The following WDR72 variants were observed in gnomAD, a reference collection of about 807,000 sequenced individuals.
WDR72 encodes the protein WD repeat-containing protein 72.
A neutral mutation model predicts 124.2 loss-of-function variants in WDR72; 120 were observed. The ratio of observed to expected loss-of-function variants is 0.97; its 90% CI spans 0.83 to 1.12. The LOEUF (loss-of-function observed/expected upper bound fraction) is 1.12. WDR72 is among the 50% of genes most tolerant of loss of function. The pLI is 0.00. For synonymous variants in WDR72, 452 were observed against 441.7 expected, an observed-to-expected ratio of 1.02 and a Z score of -0.29; for missense variants, 1,387 against 1,278.8, an observed-to-expected ratio of 1.08 and a Z score of -1.29.
chr15:53,521,599 TTGTG>T (rs1162360763), intron 19 of WDR72, among the ~76,000 whole-genome samples: 14 of 152,036 alleles, frequency 9.2e-5, no homozygotes, highest in African/African-American at 2.9e-4. Context: ...ATAAACACGT[TTGTG>T]TGTATCAATC....
intron 14 of WDR72, among the ~76,000 whole-genome samples, chr15:53,661,517 C>T (rs2015608702): frequency 6.6e-6 from 1 of 152,128 alleles, no homozygotes; most frequent in African/African-American, 2.4e-5. Flanking sequence ...GTCCCTTCTT[C>T]AACACTGAGG....
chr15:53,722,063 T>G (rs183702717), intron 3 of WDR72, among the ~76,000 whole-genome samples: 123 of 152,130 alleles, frequency 8.1e-4, no homozygotes, highest in Middle Eastern at 3.4e-3. Context: ...TTATTTATTT[T>G]GAGACTGTCG....
intron 14 of WDR72, among the ~76,000 whole-genome samples, chr15:53,643,398 G>A (rs1049635749): frequency 5.9e-5 from 9 of 152,000 alleles, no homozygotes; most frequent in African/African-American, 9.7e-5. Flanking sequence ...ACACAGACAC[G>A]CTATGAGGAT....
At chr15:53,557,791 C>T (rs1185908683) in intron 18 of WDR72, among the ~76,000 whole-genome samples, 1 of 151,968 alleles carries the variant, frequency 6.6e-6, no homozygotes, top group Non-Finnish European at 1.5e-5. Context: ...AATAATATTA[C>T]AGTTCAAAAA....
intron 13 of WDR72, among the ~76,000 whole-genome samples, chr15:53,678,560 G>C (rs1400647876): frequency 1.3e-5 from 2 of 152,060 alleles, no homozygotes; most frequent in Non-Finnish European, 2.9e-5. Context: ...TAGGTGTTTT[G>C]TATACAGATG....
intron 18 of WDR72, among the ~76,000 whole-genome samples, chr15:53,584,955 T>A (rs1373823919): frequency 6.6e-6 from 1 of 151,972 alleles, no homozygotes; most frequent in African/African-American, 2.4e-5. Context: ...AAGTAACACC[T>A]GTGAAAGAAA....
At chr15:53,700,663 C>T (rs1248968107) in intron 12 of WDR72, among the ~76,000 whole-genome samples, 1 of 152,116 alleles carries the variant, frequency 6.6e-6, no homozygotes, top group African/African-American at 2.4e-5. Context: ...GACCTTGAGA[C>T]ACCCATTACT....
intron 1 of WDR72, among the ~76,000 whole-genome samples, chr15:53,735,035 T>A (rs2018311885): frequency 6.6e-6 from 1 of 152,048 alleles, no homozygotes; most frequent in Non-Finnish European, 1.5e-5. Context: ...GTCTCAGGCC[T>A]GTAATCACAG....
intron 1 of WDR72, among the ~76,000 whole-genome samples, chr15:53,736,303 A>T (rs962377737): frequency 6.6e-6 from 1 of 152,142 alleles, no homozygotes; most frequent in African/African-American, 2.4e-5. Context: ...GTGGAGTCAG[A>T]GGCCAGGGAT....
At chr15:53,705,889 C>A in intron 10 of WDR72, 38 bp downstream of exon 10, 1 of 1,612,772 alleles carries the variant, frequency 6.2e-7, no homozygotes, top group Non-Finnish European at 8.5e-7. Context: ...CAAATTCATT[C>A]TCAGAAGACA....
intron 2 of WDR72, among the ~76,000 whole-genome samples, chr15:53,727,965 G>C (rs559479436): frequency 6.6e-6 from 1 of 152,260 alleles, no homozygotes; most frequent in African/African-American, 2.4e-5. Context: ...ATGAAGCATT[G>C]GTTCCTCCTG....
chr15:53,597,015 G>A (rs1410816203), intron 18 of WDR72, 64 bp downstream of exon 18: 5 of 1,509,950 alleles, frequency 3.3e-6, no homozygotes, highest in Non-Finnish European at 2.8e-6. Flanking sequence ...ACCACCATAA[G>A]TTGGAGACTA....
intron 18 of WDR72, among the ~76,000 whole-genome samples, chr15:53,560,169 G>T (rs779083141): frequency 1.3e-5 from 2 of 151,868 alleles, no homozygotes; most frequent in Non-Finnish European, 2.9e-5. Flanking sequence ...AAAGCTGTCC[G>T]ATGGCTTTCT....
intron 14 of WDR72, among the ~76,000 whole-genome samples, chr15:53,646,264 T>C (rs769139401): frequency 5.3e-5 from 8 of 152,154 alleles, no homozygotes; most frequent in Admixed American, 1.3e-4. Context: ...TATAAAAATA[T>C]TGCTGGATTG....
chr15:53,545,262 A>C (rs1893386523), intron 18 of WDR72, among the ~76,000 whole-genome samples: 2 of 151,730 alleles, frequency 1.3e-5, no homozygotes, highest in East Asian at 3.9e-4. Context: ...ACTTCAAACT[A>C]TACTACAAGG....
At chr15:53,696,469 G>A (rs2017005978) in intron 13 of WDR72, among the ~76,000 whole-genome samples, 1 of 152,144 alleles carries the variant, frequency 6.6e-6, no homozygotes, top group Admixed American at 6.5e-5. Context: ...AATCTACTGA[G>A]GTAAGGGCAC....
intron 16 of WDR72, among the ~76,000 whole-genome samples, chr15:53,612,574 A>C (rs1309480068): frequency 6.6e-6 from 1 of 152,138 alleles, no homozygotes; most frequent in African/African-American, 2.4e-5. Context: ...AAGAGTAAAA[A>C]GGCTAGGGTA....
intron 13 of WDR72, among the ~76,000 whole-genome samples, chr15:53,693,970 A>G (rs1332081052): frequency 2.6e-5 from 4 of 152,194 alleles, no homozygotes; most frequent in Non-Finnish European, 2.9e-5. Flanking sequence ...AGCAGGAACT[A>G]GAAGAAATGA....
At chr15:53,556,245 G>C (rs1893927153) in intron 18 of WDR72, among the ~76,000 whole-genome samples, 1 of 152,018 alleles carries the variant, frequency 6.6e-6, no homozygotes, top group Non-Finnish European at 1.5e-5. Flanking sequence ...CTGAGTATCA[G>C]GATATAAATT....
Sources: allele counts gnomAD v4.1 joint callset (sites outside exome capture counted in the v4.1 genomes callset), GRCh38; gene constraint gnomAD v4.1.1; transcripts MANE v1.5; gene names NCBI Gene and HGNC (gene_info 2026-07-23, HGNC 2026-07-21).